The following TSPAN18 variants were observed in gnomAD, a reference collection of about 807,000 sequenced individuals.
TSPAN18 encodes tetraspanin 18, also known as tetraspanin-18.
Under a neutral mutation model 27.3 loss-of-function variants are expected in TSPAN18, and 14 were observed. The ratio of observed to expected loss-of-function variants is 0.51; its 90% confidence interval spans 0.34 to 0.80. The LOEUF (loss-of-function observed/expected upper bound fraction) is 0.80, where lower values mean the gene tolerates loss of function less well. Among genes scored for constraint, TSPAN18 ranks in the 30% least tolerant of loss-of-function variants. TSPAN18 has a pLI of 0.01. For synonymous variants in TSPAN18, 143 were observed against 136.5 expected (o/e 1.05, Z -0.33); for missense variants, 268 against 323.9 (o/e 0.83, Z 1.32).
intron 1 of TSPAN18, among the ~76,000 whole-genome samples, chr11:44,750,714 G>C (rs1418451827): frequency 6.6e-6 from 1 of 152,156 alleles, no homozygotes; most frequent in Non-Finnish European, 1.5e-5. Flanking sequence ...ATCAATAGGC[G>C]AGATCCCTGG....
At chr11:44,912,596 T>C (rs17787176) in intron 5 of TSPAN18, among the ~76,000 whole-genome samples, 2,970 of 152,192 alleles carry the variant, frequency 0.02, 115 homozygotes, top group East Asian at 0.14. Flanking sequence ...AAATGTTATG[T>C]TATGTCAGGT....
At chr11:44,810,153 C>G (rs553228471) in intron 2 of TSPAN18, among the ~76,000 whole-genome samples, 1 of 152,282 alleles carries the variant, frequency 6.6e-6, no homozygotes, top group East Asian at 1.9e-4. Flanking sequence ...GTGAAATGCA[C>G]ATAACATACA....
intron 3 of TSPAN18, among the ~76,000 whole-genome samples, chr11:44,882,332 G>T (rs1174179727): frequency 2.0e-5 from 3 of 152,076 alleles, no homozygotes; most frequent in Non-Finnish European, 4.4e-5. Context: ...CATTGAGGAG[G>T]CTCCCTGAGG....
At chr11:44,727,944 C>A (rs1565123486) in intron 1 of TSPAN18, among the ~76,000 whole-genome samples, 1 of 150,976 alleles carries the variant, frequency 6.6e-6, no homozygotes, top group Non-Finnish European at 1.5e-5. Context: ...CCAGTTGGGA[C>A]GGTGCTCGGC....
At chr11:44,892,406 A>C (rs1222396514) in intron 3 of TSPAN18, among the ~76,000 whole-genome samples, 1 of 152,202 alleles carries the variant, frequency 6.6e-6, no homozygotes, top group Non-Finnish European at 1.5e-5. Flanking sequence ...GGTGGACGCT[A>C]GTGTCCTCAG....
chr11:44,863,359 C>T (rs116327929), intron 3 of TSPAN18, among the ~76,000 whole-genome samples: 2,673 of 152,342 alleles, frequency 0.018, 60 homozygotes, highest in African/African-American at 0.044. Flanking sequence ...CAGGCTTGGC[C>T]GTGCTGGGCC....
intron 2 of TSPAN18, among the ~76,000 whole-genome samples, chr11:44,851,616 C>CCCG (rs965555069): frequency 3.1e-5 from 4 of 127,280 alleles, no homozygotes; most frequent in South Asian, 2.4e-4. Context: ...CTTGTCACCT[C>CCCG]CCCCCCCCAA....
At chr11:44,827,725 G>T (rs1280675177) in intron 2 of TSPAN18, among the ~76,000 whole-genome samples, 1 of 152,206 alleles carries the variant, frequency 6.6e-6, no homozygotes, top group Non-Finnish European at 1.5e-5. Context: ...ATCTTTCCAT[G>T]TGGGAAGCTC....
intron 3 of TSPAN18, among the ~76,000 whole-genome samples, chr11:44,904,527 C>A (rs889883970): frequency 3.3e-5 from 5 of 152,242 alleles, no homozygotes; most frequent in Non-Finnish European, 4.4e-5. Flanking sequence ...CAAGGCACCA[C>A]CCCTGAGACC....
chr11:44,801,981 A>G (rs890493177), intron 2 of TSPAN18, among the ~76,000 whole-genome samples: 1 of 152,140 alleles, frequency 6.6e-6, no homozygotes, highest in Non-Finnish European at 1.5e-5. Flanking sequence ...GCAGTGAGCC[A>G]TGGTCAAGTC....
chr11:44,836,593 T>C (rs1857268973), intron 2 of TSPAN18, among the ~76,000 whole-genome samples: 2 of 152,232 alleles, frequency 1.3e-5, no homozygotes, highest in African/African-American at 4.8e-5. Context: ...AGATTTTCAA[T>C]GTAGATGAAA....
At chr11:44,837,234 C>T (rs1451804661) in intron 2 of TSPAN18, among the ~76,000 whole-genome samples, 1 of 152,162 alleles carries the variant, frequency 6.6e-6, no homozygotes, top group Non-Finnish European at 1.5e-5. Context: ...GCAACATGAA[C>T]AGGAGTTTAG....
At chr11:44,765,008 C>T (rs899097109) in intron 2 of TSPAN18, among the ~76,000 whole-genome samples, 3 of 152,196 alleles carry the variant, frequency 2.0e-5, no homozygotes, top group Non-Finnish European at 2.9e-5. Flanking sequence ...AAACTGAGAA[C>T]AGAAAAGCCT....
At chr11:44,880,589 G>A (rs1271664043) in intron 3 of TSPAN18, among the ~76,000 whole-genome samples, 1 of 152,226 alleles carries the variant, frequency 6.6e-6, no homozygotes, top group Non-Finnish European at 1.5e-5. Context: ...CCTGATCACA[G>A]CTCAGCTGAG....
At chr11:44,762,572 AT>A (rs1347348878) in intron 1 of TSPAN18, among the ~76,000 whole-genome samples, 1 of 152,194 alleles carries the variant, frequency 6.6e-6, no homozygotes, top group Non-Finnish European at 1.5e-5. Context: ...AAATTTATAT[AT>A]GTATAAATAA....
intron 3 of TSPAN18, among the ~76,000 whole-genome samples, chr11:44,891,087 C>T (rs575721058): frequency 6.6e-6 from 1 of 152,232 alleles, no homozygotes; most frequent in African/African-American, 2.4e-5. Flanking sequence ...GGGAGGATTC[C>T]TTGAGTCCAG....
At chr11:44,814,570 G>A (rs1034762695) in intron 2 of TSPAN18, among the ~76,000 whole-genome samples, 1 of 152,190 alleles carries the variant, frequency 6.6e-6, no homozygotes, top group Non-Finnish European at 1.5e-5. Context: ...TCTGTGCCAT[G>A]CTATGCACCA....
At chr11:44,903,399 GC>G (rs5791652) in intron 3 of TSPAN18, 169,965 of 455,916 alleles carry the variant, frequency 0.37, 34,088 homozygotes, top group East Asian at 0.64. Context: ...GAAAGTCAGG[GC>G]AGGAATAACA....
intron 3 of TSPAN18, among the ~76,000 whole-genome samples, chr11:44,883,630 C>G (rs1222652423): frequency 6.6e-6 from 1 of 152,190 alleles, no homozygotes; most frequent in Non-Finnish European, 1.5e-5. Context: ...CCAAGGCAGG[C>G]AAGTAACTTG....
Sources: allele counts gnomAD v4.1 joint callset (sites outside exome capture counted in the v4.1 genomes callset), GRCh38; gene constraint gnomAD v4.1.1; transcripts MANE v1.5; gene names NCBI Gene and HGNC (gene_info 2026-07-23, HGNC 2026-07-21).